Variants in BCL2 observed in about 807,000 individuals in gnomAD.
BCL2 encodes the protein BCL2 apoptosis regulator.
BCL2 carries 1 observed loss-of-function variant against 14.2 expected under a neutral mutation model. The observed-to-expected ratio is 0.07, with a 90% CI of 0.02 to 0.33. The LOEUF is 0.33. Among genes scored for constraint, BCL2 ranks in the 10% least tolerant of loss-of-function variants. The pLI is 0.99. For missense variants in BCL2, 247 were observed against 305.9 expected (o/e 0.81, Z 1.44); for synonymous variants, 151 against 137.2 (o/e 1.10, Z -0.70).
chr18:63,288,343 C>T (rs1912533449), intron 2 of BCL2, among the ~76,000 whole-genome samples: 1 of 152,218 alleles, frequency 6.6e-6, no homozygotes, highest in African/African-American at 2.4e-5. Flanking sequence ...TTGCCACGAA[C>T]ACTACCATAT....
chr18:63,209,765 C>CAA (rs1909949777), intron 2 of BCL2, among the ~76,000 whole-genome samples: 1 of 151,958 alleles, frequency 6.6e-6, no homozygotes, highest in Non-Finnish European at 1.5e-5. Context: ...AAGACCTAGG[C>CAA]TGGGGCAAAT....
At chr18:63,307,162 C>T (rs1913168281) in intron 2 of BCL2, among the ~76,000 whole-genome samples, 1 of 152,164 alleles carries the variant, frequency 6.6e-6, no homozygotes, top group Non-Finnish European at 1.5e-5. Context: ...ACAATGAGCC[C>T]ACTCTTTATC....
At chr18:63,262,067 A>G (rs2144225860) in intron 2 of BCL2, among the ~76,000 whole-genome samples, 1 of 145,230 alleles carries the variant, frequency 6.9e-6, no homozygotes, top group African/African-American at 2.5e-5. Flanking sequence ...GGCATGAGCC[A>G]CTGCGCCCAG....
At chr18:63,206,274 G>A (rs1909834173) in intron 2 of BCL2, among the ~76,000 whole-genome samples, 1 of 152,158 alleles carries the variant, frequency 6.6e-6, no homozygotes, top group Admixed American at 6.5e-5. Flanking sequence ...TAAGCACCGT[G>A]GCCAATACCC....
At chr18:63,261,512 C>A (rs527822631) in intron 2 of BCL2, among the ~76,000 whole-genome samples, 2 of 152,252 alleles carry the variant, frequency 1.3e-5, no homozygotes, top group South Asian at 4.1e-4. Flanking sequence ...TGCAAGAGAG[C>A]CATGCAGGGC....
intron 2 of BCL2, among the ~76,000 whole-genome samples, chr18:63,237,398 T>G (rs1481608573): frequency 6.6e-6 from 1 of 152,166 alleles, no homozygotes; most frequent in East Asian, 1.9e-4. Flanking sequence ...CGGAATCTCC[T>G]CTTGAGATCT....
intron 2 of BCL2, among the ~76,000 whole-genome samples, chr18:63,302,035 G>T (rs1309143876): frequency 1.3e-5 from 2 of 152,098 alleles, no homozygotes; most frequent in Non-Finnish European, 2.9e-5. Context: ...GTCTATAAAA[G>T]AGAGGAGGCC....
intron 2 of BCL2, among the ~76,000 whole-genome samples, chr18:63,172,440 T>C (rs1915243711): frequency 6.6e-6 from 1 of 152,172 alleles, no homozygotes; most frequent in Admixed American, 6.5e-5. Flanking sequence ...ACTTGAGTCT[T>C]TGGGGACTCA....
At chr18:63,298,927 G>A (rs765466298) in intron 2 of BCL2, among the ~76,000 whole-genome samples, 1 of 152,134 alleles carries the variant, frequency 6.6e-6, no homozygotes, top group Non-Finnish European at 1.5e-5. Context: ...AAAGCTGGGC[G>A]GCAGCAGAGC....
chr18:63,196,270 T>C (rs1909442359), intron 2 of BCL2, among the ~76,000 whole-genome samples: 1 of 152,228 alleles, frequency 6.6e-6, no homozygotes. Flanking sequence ...AATCAATGCA[T>C]AACTTGTTAA....
intron 2 of BCL2, among the ~76,000 whole-genome samples, chr18:63,198,724 GAC>G (rs1304897747): frequency 6.4e-5 from 6 of 94,438 alleles, no homozygotes; most frequent in Non-Finnish European, 1.0e-4. Flanking sequence ...CACACACACA[GAC>G]ACACACAGAC....
chr18:63,223,955 G>A (rs1910477009), intron 2 of BCL2, among the ~76,000 whole-genome samples: 1 of 152,006 alleles, frequency 6.6e-6, no homozygotes, highest in African/African-American at 2.4e-5. Context: ...ACAACATGGA[G>A]GAGACAGAGA....
intron 2 of BCL2, among the ~76,000 whole-genome samples, chr18:63,165,913 C>CA (rs1915033091): frequency 6.6e-6 from 1 of 152,206 alleles, no homozygotes; most frequent in Non-Finnish European, 1.5e-5. Context: ...CAGTCATTGT[C>CA]AAAAATCACA....
chr18:63,281,559 T>C (rs774538325), intron 2 of BCL2, among the ~76,000 whole-genome samples: 3 of 151,730 alleles, frequency 2.0e-5, no homozygotes, highest in Non-Finnish European at 4.4e-5. Flanking sequence ...CTCAGCTACT[T>C]GCAGGGCTGA....
At chr18:63,253,714 T>C (rs190321051) in intron 2 of BCL2, among the ~76,000 whole-genome samples, 10 of 152,318 alleles carry the variant, frequency 6.6e-5, no homozygotes, top group Admixed American at 3.3e-4. Context: ...AAAAGACTTG[T>C]CTGTGTTTAG....
At chr18:63,263,592 T>C (rs192405500) in intron 2 of BCL2, among the ~76,000 whole-genome samples, 7 of 152,338 alleles carry the variant, frequency 4.6e-5, no homozygotes, top group Admixed American at 3.9e-4. Context: ...TTCTAGTTCA[T>C]TACTTTTACT....
At chr18:63,213,361 C>A (rs1475923971) in intron 2 of BCL2, among the ~76,000 whole-genome samples, 1 of 152,094 alleles carries the variant, frequency 6.6e-6, no homozygotes, top group African/African-American at 2.4e-5. Context: ...ATCTCATTAT[C>A]ACCAATGTAG....
intron 2 of BCL2, among the ~76,000 whole-genome samples, chr18:63,199,262 CACACACACA>C (rs1471633159): frequency 6.7e-6 from 1 of 148,558 alleles, no homozygotes; most frequent in African/African-American, 2.5e-5. Flanking sequence ...CAGACAAATG[CACACACACA>C]ACACACACAG....
chr18:63,254,542 A>G (rs7230110), intron 2 of BCL2, among the ~76,000 whole-genome samples: 112,650 of 151,374 alleles, frequency 0.74, 43,335 homozygotes, highest in Non-Finnish European at 0.85. Flanking sequence ...GCAACAGAGC[A>G]AGACCCTGCC....
Sources: gnomAD v4.1 joint callset for allele counts (sites outside exome capture counted in the v4.1 genomes callset) on GRCh38, gnomAD v4.1.1 for gene constraint, MANE v1.5 for transcripts, NCBI Gene and HGNC (gene_info 2026-07-23, HGNC 2026-07-21) for gene names.